PTPRZ1: variants seen among roughly 807,000 people sequenced by gnomAD.
The protein encoded by PTPRZ1 is protein tyrosine phosphatase receptor type Z1.
PTPRZ1 carries 82 observed loss-of-function variants against 214.1 expected under a neutral mutation model. The ratio of observed to expected loss-of-function variants is 0.38; its 90% confidence interval spans 0.32 to 0.46. The LOEUF (loss-of-function observed/expected upper bound fraction) is 0.46. PTPRZ1 is among the 20% of genes least tolerant of loss of function. The pLI, the probability that PTPRZ1 is intolerant of heterozygous loss-of-function variation, is 1.00. For missense variants in PTPRZ1, 2,603 were observed against 2,748.7 expected, an observed-to-expected ratio of 0.95 and a Z score of 1.19; for synonymous variants, 945 against 987.9, an observed-to-expected ratio of 0.96 and a Z score of 0.81.
chr7:121,922,894 C>T (rs1795642288), intron 1 of PTPRZ1, among the ~76,000 whole-genome samples: 1 of 152,156 alleles, frequency 6.6e-6, no homozygotes, highest in Non-Finnish European at 1.5e-5. Context: ...TCATACTCTT[C>T]TTTGAAATTT....
intron 11 of PTPRZ1, among the ~76,000 whole-genome samples, chr7:122,007,959 G>A (rs1345919801): frequency 6.6e-6 from 1 of 152,094 alleles, no homozygotes; most frequent in Non-Finnish European, 1.5e-5. Context: ...GATATGGTAG[G>A]GTAGGATTAA....
rs1339210079 is a variant in PTPRZ1, at chr7:121,911,567, A to G, written c.59-16589A>G. 2.6e-5 allele frequency among the ~76,000 whole-genome samples: 4 copies of G among 152,120 alleles called. No homozygotes were observed. In the East Asian group the frequency reaches 7.7e-4, roughly 29 times the overall value. ...ATGCACATCTTTAGCAAATATGAAC[A>G]GCAACCTTGCCACTGTCTCTGATTC... On this transcript the variant is annotated intron_variant, in intron 1 of 29. Coordinates refer to ENST00000393386, the MANE Select transcript of PTPRZ1 (RefSeq NM_002851.3).
rs2116667166 is a variant in PTPRZ1, at chr7:122,013,878, T to G, written c.4832T>G (p.Val1611Gly). 1 of 1,604,822 alleles carries G rather than the reference T, an allele frequency of 6.2e-7. No individual in the cohort carries two copies. The highest frequency in any genetic ancestry group is 1.3e-5 in the African/African-American group (1 of 74,808). Residue 1611 changes from valine to glycine, a missense_variant, in exon 12 of 30, where the codon GTT (valine) becomes GGT (glycine). Val to Gly is a moderately radical substitution (Grantham distance 109). Transcript: ENST00000393386. ...AGCGAGAACTCAGAAGTGTTCCACGTTTCAGAGGCAGGTTAGTTACGGATC... is the reference window on the plus strand; with the variant it reads ...AGCGAGAACTCAGAAGTGTTCCACGGTTCAGAGGCAGGTTAGTTACGGATC... ...VTSENSEVFH[V>G]SEAEASNSSH...
chr7:122,051,491 G>T lies in PTPRZ1; in HGVS notation c.6148G>T (p.Glu2050Ter). 6.2e-7 allele frequency: 1 copy of T among 1,613,564 alleles called. No individual in the cohort carries two copies. Among genetic ancestry groups the T allele is most frequent in the Non-Finnish European group, 8.5e-7 (1 of 1,179,646 alleles). Residue 2050 changes from glutamate (E) to a stop codon, truncating the protein, a stop_gained, in exon 24 of 30, where the codon GAA becomes TAA. Coordinates refer to ENST00000393386, the MANE Select transcript of PTPRZ1 (RefSeq NM_002851.3). LOFTEE classifies it high-confidence loss of function. ...YSAALKQCNR[E>*]KNRTSSIIPV... is the part of the protein sequence containing the mutation. ...TGCAGCCCTAAAGCAATGCAACAGG[G>T]AAAAGAATCGAACTTCTTCTATCAT... is the stretch of plus-strand genomic sequence containing the variant.
At chr7:122,033,383 AT>A (rs1302926052) in intron 15 of PTPRZ1, among the ~76,000 whole-genome samples, 1 of 151,548 alleles carries the variant, frequency 6.6e-6, no homozygotes, top group African/African-American at 2.4e-5. Flanking sequence ...TAAGGCTTTT[AT>A]TTTATTATAT....
chr7:121,944,767 C>T (rs1240289216), intron 2 of PTPRZ1, among the ~76,000 whole-genome samples: 2 of 151,990 alleles, frequency 1.3e-5, no homozygotes, highest in African/African-American at 4.8e-5. Context: ...CTCAGCCTCC[C>T]GAGTAGCTGG....
chr7:122,031,503 T>C lies in PTPRZ1; in HGVS notation c.5110T>C (p.Phe1704Leu), dbSNP rs1799372043. The C allele has an allele frequency of 6.2e-7, 1 of 1,611,526 alleles. No individual in the cohort carries two copies. The highest frequency in any genetic ancestry group is 1.3e-5 in the African/African-American group (1 of 74,964). ...TGTCGGAGCAATTCCAATAAAGCAC[T>C]TTCCAAAGCATGTTGCAGATTTACA... ...DDVGAIPIKH[F>L]PKHVADLHAS... Residue 1704 changes from phenylalanine (F) to leucine (L), a missense_variant, in exon 15 of 30, where the codon TTT becomes CTT. Phe to Leu is a conservative substitution (Grantham distance 22). Transcript: ENST00000393386.
At chr7:121,937,910 G>T (rs1335221488) in intron 2 of PTPRZ1, among the ~76,000 whole-genome samples, 1 of 152,052 alleles carries the variant, frequency 6.6e-6, no homozygotes. Context: ...CACAAGTATT[G>T]TAAGTGCCAA....
chr7:122,051,460 C>T lies in PTPRZ1; in HGVS notation c.6117C>T (p.Asp2039=), dbSNP rs1441592823. Residue 2039 remains aspartate (D), a synonymous_variant, in exon 24 of 30, where the codon GAC becomes GAT. Transcript: ENST00000393386. Reference sequence around the variant, plus strand: ...GCCAGTCAAATATACAGCAGAGTGACTATTCTGCAGCCCTAAAGCAATGCA... The same window carrying T: ...GCCAGTCAAATATACAGCAGAGTGATTATTCTGCAGCCCTAAAGCAATGCA... The part of the protein sequence containing the change: ...LLSQSNIQQS[D]YSAALKQCNR... 1 of 1,613,460 alleles carries T rather than the reference C, an allele frequency of 6.2e-7. No individual in the cohort carries two copies. Among genetic ancestry groups the T allele is most frequent in the East Asian group, 2.2e-5 (1 of 44,838 alleles).
intron 8 of PTPRZ1, among the ~76,000 whole-genome samples, chr7:121,994,383 A>C (rs75419758): frequency 0.12 from 16,026 of 132,354 alleles, 912 homozygotes; most frequent in East Asian, 0.18. Flanking sequence ...CAAGCTCCGC[A>C]TCCCGGGTTC....
At chr7:121,920,563 G>A (rs1331732949) in intron 1 of PTPRZ1, among the ~76,000 whole-genome samples, 3 of 152,030 alleles carry the variant, frequency 2.0e-5, no homozygotes, top group East Asian at 3.9e-4. Context: ...TCTTATGATG[G>A]AACAAATTCA....
chr7:122,031,076 G>A (rs1376356680), intron 14 of PTPRZ1, among the ~76,000 whole-genome samples: 1 of 151,846 alleles, frequency 6.6e-6, no homozygotes, highest in African/African-American at 2.4e-5. Context: ...ATTATGCTTG[G>A]TCCACACTAA....
intron 8 of PTPRZ1, among the ~76,000 whole-genome samples, chr7:121,991,130 C>T (rs1349982931): frequency 3.3e-5 from 5 of 152,130 alleles, no homozygotes; most frequent in Non-Finnish European, 7.4e-5. Context: ...AGTTTCTTCA[C>T]CTATAGAATG....
intron 1 of PTPRZ1, among the ~76,000 whole-genome samples, chr7:121,918,208 T>C (rs1366461257): frequency 2.0e-5 from 3 of 152,210 alleles, no homozygotes; most frequent in African/African-American, 7.2e-5. Flanking sequence ...GAACAGGTTG[T>C]TAACACATAA....
chr7:122,040,405 T>C (rs1799688509), intron 20 of PTPRZ1, among the ~76,000 whole-genome samples: 1 of 152,220 alleles, frequency 6.6e-6, no homozygotes, highest in Non-Finnish European at 1.5e-5. Context: ...CGTTGCACTG[T>C]TGAGAAGAAT....
chr7:121,938,392 G>C lies in PTPRZ1; in HGVS notation c.124+10171G>C, dbSNP rs956440324. The stretch of plus-strand genomic sequence containing the variant: ...CAGCAACTTTGTCACACATGGTTCA[G>C]CTAAACTTTAACTGGTAATTGGAGT... On this transcript the variant is annotated intron_variant, in intron 2 of 29. Transcript: ENST00000393386. Among the ~76,000 whole-genome samples, 5 of 152,208 alleles carry C rather than the reference G, an allele frequency of 3.3e-5. No homozygotes were observed. The East Asian group carries it at 7.7e-4, about 23-fold the overall frequency.
chr7:122,039,619 GTGAACAATGCATT>G (rs747749101), intron 20 of PTPRZ1, 31 bp downstream of exon 20: 1 of 1,608,192 alleles, frequency 6.2e-7, no homozygotes, highest in African/African-American at 1.3e-5. Flanking sequence ...GCATAATCAA[GTGAACAATGCATT>G]TGGTCATTTT....
intron 2 of PTPRZ1, among the ~76,000 whole-genome samples, chr7:121,950,489 T>C (rs189828959): frequency 6.6e-6 from 1 of 152,206 alleles, no homozygotes; most frequent in Non-Finnish European, 1.5e-5. Context: ...AAATCCAAGA[T>C]AGTAGGCTTG....
intron 23 of PTPRZ1, among the ~76,000 whole-genome samples, chr7:122,048,615 TAC>T (rs2150486255): frequency 6.6e-6 from 1 of 152,236 alleles, no homozygotes; most frequent in South Asian, 2.1e-4. Flanking sequence ...CCATAAATAT[TAC>T]ACCTTTTATG....
Sources: gnomAD v4.1 joint callset for allele counts (sites outside exome capture counted in the v4.1 genomes callset) on GRCh38, gnomAD v4.1.1 for gene constraint, MANE v1.5 for transcripts, NCBI Gene and HGNC (gene_info 2026-07-23, HGNC 2026-07-21) for gene names.